Variants in KCND2 observed in about 807,000 individuals in gnomAD.
KCND2 encodes the protein potassium voltage-gated channel subfamily D member 2.
A neutral mutation model predicts 54.4 loss-of-function variants in KCND2; 16 were observed. The observed-to-expected ratio is 0.29, with a 90% confidence interval of 0.20 to 0.45. The LOEUF (loss-of-function observed/expected upper bound fraction) is 0.45, where lower values mean the gene tolerates loss of function less well. KCND2 is among the 20% of genes least tolerant of loss of function. The pLI is 1.00. For synonymous variants in KCND2, 317 were observed against 310.7 expected, an observed-to-expected ratio of 1.02 and a Z score of -0.21; for missense variants, 486 against 824.2, an observed-to-expected ratio of 0.59 and a Z score of 5.02.
chr7:120,307,792 A>T (rs1262738208), intron 1 of KCND2, among the ~76,000 whole-genome samples: 1 of 152,118 alleles, frequency 6.6e-6, no homozygotes, highest in South Asian at 2.1e-4. Context: ...AGCTTCTGAG[A>T]CTAGACACCG....
intron 1 of KCND2, among the ~76,000 whole-genome samples, chr7:120,708,997 G>A (rs540855268): frequency 6.6e-6 from 1 of 151,904 alleles, no homozygotes; most frequent in Non-Finnish European, 1.5e-5. Context: ...TAAGTAAGTG[G>A]CAAAACATCA....
chr7:120,499,913 A>T (rs1266000608), intron 1 of KCND2, among the ~76,000 whole-genome samples: 1 of 152,162 alleles, frequency 6.6e-6, no homozygotes, highest in East Asian at 1.9e-4. Flanking sequence ...CTATGTGATT[A>T]ACTTTGGTAC....
At chr7:120,449,968 A>G (rs779049205) in intron 1 of KCND2, among the ~76,000 whole-genome samples, 3 of 152,270 alleles carry the variant, frequency 2.0e-5, no homozygotes, top group Non-Finnish European at 2.9e-5. Flanking sequence ...AAGACATCAT[A>G]TGGTGTCTTC....
intron 1 of KCND2, among the ~76,000 whole-genome samples, chr7:120,548,378 A>G (rs1043691390): frequency 1.3e-5 from 2 of 152,120 alleles, no homozygotes; most frequent in African/African-American, 4.8e-5. Flanking sequence ...TTCATCGGCT[A>G]CTAGGGAAGC....
chr7:120,338,237 T>C (rs1339192605), intron 1 of KCND2, among the ~76,000 whole-genome samples: 1 of 152,162 alleles, frequency 6.6e-6, no homozygotes, highest in Non-Finnish European at 1.5e-5. Context: ...ATGAAAAACC[T>C]TTACAATTCA....
At chr7:120,334,573 C>A (rs1800117598) in intron 1 of KCND2, among the ~76,000 whole-genome samples, 1 of 152,222 alleles carries the variant, frequency 6.6e-6, no homozygotes, top group African/African-American at 2.4e-5. Context: ...GCAGACAAAC[C>A]ACTTAGTAAC....
chr7:120,614,472 A>C (rs994190601), intron 1 of KCND2, among the ~76,000 whole-genome samples: 1 of 152,222 alleles, frequency 6.6e-6, no homozygotes, highest in Non-Finnish European at 1.5e-5. Flanking sequence ...CACCTCATCT[A>C]GTTTTATTTG....
At chr7:120,443,494 G>A (rs1456618851) in intron 1 of KCND2, among the ~76,000 whole-genome samples, 3 of 151,704 alleles carry the variant, frequency 2.0e-5, no homozygotes, top group Non-Finnish European at 4.4e-5. Flanking sequence ...TTATTCTCGT[G>A]GTTTATAAAT....
chr7:120,619,780 C>A (rs10278347), intron 1 of KCND2, among the ~76,000 whole-genome samples: 44,292 of 152,004 alleles, frequency 0.29, 8,150 homozygotes, highest in African/African-American at 0.51. Context: ...TTCCTTAAAG[C>A]GCATTAGCCC....
chr7:120,638,556 T>C (rs1793334437), intron 1 of KCND2, among the ~76,000 whole-genome samples: 1 of 152,162 alleles, frequency 6.6e-6, no homozygotes, highest in South Asian at 2.1e-4. Flanking sequence ...TGAAATTTTA[T>C]GTGGATCCTA....
intron 1 of KCND2, among the ~76,000 whole-genome samples, chr7:120,391,817 C>A (rs890194270): frequency 6.6e-6 from 1 of 151,852 alleles, no homozygotes; most frequent in Admixed American, 6.6e-5. Context: ...TGGATATTAG[C>A]CCTTTGTCAG....
chr7:120,729,078 T>C (rs1792773236), intron 1 of KCND2, among the ~76,000 whole-genome samples: 1 of 152,210 alleles, frequency 6.6e-6, no homozygotes, highest in African/African-American at 2.4e-5. Context: ...TATAATGCTG[T>C]TTTGCTTCTT....
At chr7:120,433,564 T>C (rs556845445) in intron 1 of KCND2, among the ~76,000 whole-genome samples, 1 of 152,344 alleles carries the variant, frequency 6.6e-6, no homozygotes, top group South Asian at 2.1e-4. Context: ...GAACTTAGAC[T>C]GTTACCCCTT....
At chr7:120,575,863 C>T (rs1246355961) in intron 1 of KCND2, among the ~76,000 whole-genome samples, 1 of 133,262 alleles carries the variant, frequency 7.5e-6, no homozygotes, top group Admixed American at 7.6e-5. Flanking sequence ...CCAATTCTGT[C>T]CCTCAGCTTT....
intron 1 of KCND2, among the ~76,000 whole-genome samples, chr7:120,606,571 G>T (rs186825320): frequency 6.6e-6 from 1 of 151,950 alleles, no homozygotes; most frequent in Non-Finnish European, 1.5e-5. Context: ...CGCAGAAGGG[G>T]TCATTATTTT....
chr7:120,342,198 A>G (rs1018792632), intron 1 of KCND2, among the ~76,000 whole-genome samples: 10 of 152,178 alleles, frequency 6.6e-5, no homozygotes, highest in African/African-American at 2.4e-4. Flanking sequence ...GTGGGCTCCA[A>G]TCATGGCTCT....
intron 1 of KCND2, among the ~76,000 whole-genome samples, chr7:120,324,560 CT>C (rs1352540499): frequency 6.7e-5 from 10 of 149,648 alleles, no homozygotes; most frequent in Non-Finnish European, 1.3e-4. Flanking sequence ...ATAGGGAATC[CT>C]TTCCCCATTG....
intron 1 of KCND2, among the ~76,000 whole-genome samples, chr7:120,534,411 G>C (rs2116369210): frequency 6.6e-6 from 1 of 152,028 alleles, no homozygotes; most frequent in East Asian, 1.9e-4. Context: ...TCAAACTCAG[G>C]GACATTCTAA....
intron 1 of KCND2, among the ~76,000 whole-genome samples, chr7:120,695,150 A>C (rs1792317973): frequency 6.6e-6 from 1 of 151,888 alleles, no homozygotes; most frequent in Non-Finnish European, 1.5e-5. Flanking sequence ...TTGTTTTATA[A>C]AAATCGAAAC....
Sources: allele counts gnomAD v4.1 joint callset (sites outside exome capture counted in the v4.1 genomes callset), GRCh38; gene constraint gnomAD v4.1.1; transcripts MANE v1.5; gene names NCBI Gene and HGNC (gene_info 2026-07-23, HGNC 2026-07-21).